Variants in KLF12 observed in about 807,000 individuals in gnomAD.
KLF12 encodes Krueppel-like factor 12.
In KLF12, 9 loss-of-function variants were observed where a neutral mutation model predicts 37.8. The observed-to-expected ratio is 0.24, with a 90% CI of 0.14 to 0.42. The LOEUF is 0.42. KLF12 is among the 10% of genes least tolerant of loss of function. The probability of loss-of-function intolerance (pLI) is 1.00; values close to 1 mark genes in which losing one functional copy is unlikely to be tolerated. For missense variants in KLF12, 411 were observed against 516.0 expected, an observed-to-expected ratio of 0.80 and a Z score of 1.97; for synonymous variants, 208 against 202.1, an observed-to-expected ratio of 1.03 and a Z score of -0.25.
At chr13:74,209,747 T>G in the KLF12 span, among the ~76,000 whole-genome samples, 12 of 152,200 alleles carry the variant, frequency 7.9e-5, no homozygotes. Flanking sequence ...GATTACATCA[T>G]ATATGTGAAG....
the KLF12 span, among the ~76,000 whole-genome samples, chr13:74,154,087 T>C: frequency 3.4e-5 from 5 of 148,926 alleles, no homozygotes; most frequent in Non-Finnish European, 7.4e-5. Flanking sequence ...AAAAAAAAAT[T>C]AGCTGGGCAT....
At chr13:74,157,521 T>C in the KLF12 span, among the ~76,000 whole-genome samples, 7 of 152,200 alleles carry the variant, frequency 4.6e-5, no homozygotes, top group African/African-American at 1.7e-4. Context: ...TCACCCACCC[T>C]AAGAGCAGCA....
chr13:73,979,400 A>ACAC (rs1891632807), intron 2 of KLF12, among the ~76,000 whole-genome samples: 1 of 107,834 alleles, frequency 9.3e-6, no homozygotes, highest in Non-Finnish European at 1.9e-5. Flanking sequence ...CACACACACA[A>ACAC]ATCATGGAAT....
chr13:73,949,520 T>C (rs1174563112), intron 2 of KLF12, among the ~76,000 whole-genome samples: 3 of 152,260 alleles, frequency 2.0e-5, no homozygotes, highest in Non-Finnish European at 4.4e-5. Context: ...ATAATTAATT[T>C]AGCCAGTAAC....
chr13:73,859,212 G>A (rs994049098), intron 3 of KLF12, among the ~76,000 whole-genome samples: 5 of 152,176 alleles, frequency 3.3e-5, no homozygotes, highest in Admixed American at 1.3e-4. Flanking sequence ...AAAGTCTGTG[G>A]GGTAGGGAGA....
chr13:74,081,680 T>C (rs1169803712), intron 1 of KLF12, among the ~76,000 whole-genome samples: 1 of 152,220 alleles, frequency 6.6e-6, no homozygotes, highest in Non-Finnish European at 1.5e-5. Flanking sequence ...TATTCTGTTT[T>C]ATTGAATTAT....
At chr13:73,951,581 A>G (rs1890649065) in intron 2 of KLF12, among the ~76,000 whole-genome samples, 1 of 152,182 alleles carries the variant, frequency 6.6e-6, no homozygotes, top group South Asian at 2.1e-4. Context: ...CTCCTGATAT[A>G]TCAAGAGACC....
intron 1 of KLF12, among the ~76,000 whole-genome samples, chr13:74,114,161 G>A (rs971941543): frequency 6.6e-6 from 1 of 152,118 alleles, no homozygotes; most frequent in African/African-American, 2.4e-5. Context: ...TGAAGATGCT[G>A]TGAACACTGA....
chr13:74,065,159 C>T (rs1300420476), intron 1 of KLF12, among the ~76,000 whole-genome samples: 1 of 151,386 alleles, frequency 6.6e-6, no homozygotes, highest in Non-Finnish European at 1.5e-5. Flanking sequence ...CTGATTCATA[C>T]ATACAATCTG....
intron 3 of KLF12, among the ~76,000 whole-genome samples, chr13:73,854,751 C>T (rs946987901): frequency 3.3e-5 from 5 of 152,208 alleles, no homozygotes; most frequent in African/African-American, 1.2e-4. Flanking sequence ...ATCTCCACAT[C>T]ACTTATAACA....
At chr13:74,171,760 C>T in the KLF12 span, among the ~76,000 whole-genome samples, 9 of 152,222 alleles carry the variant, frequency 5.9e-5, no homozygotes, top group Non-Finnish European at 8.8e-5. Context: ...AAAAGACTCC[C>T]ACAAAATACA....
chr13:73,795,228 A>G (rs939922473), intron 5 of KLF12, among the ~76,000 whole-genome samples: 4 of 152,196 alleles, frequency 2.6e-5, no homozygotes, highest in East Asian at 1.9e-4. Flanking sequence ...CATGTATTGA[A>G]TGCTCAATAA....
At chr13:74,117,188 G>T (rs1461657856) in intron 1 of KLF12, among the ~76,000 whole-genome samples, 1 of 152,106 alleles carries the variant, frequency 6.6e-6, no homozygotes, top group African/African-American at 2.4e-5. Context: ...CCAGTCCATG[G>T]TTTCTAGATA....
chr13:74,165,369 T>C, the KLF12 span, among the ~76,000 whole-genome samples: 8 of 149,518 alleles, frequency 5.4e-5, no homozygotes, highest in Non-Finnish European at 8.9e-5. Context: ...AGCGCAATCT[T>C]GACTCACTGC....
At chr13:73,900,328 C>T (rs1358471789) in intron 3 of KLF12, among the ~76,000 whole-genome samples, 1 of 152,142 alleles carries the variant, frequency 6.6e-6, no homozygotes. Context: ...TTTCATAATA[C>T]TCAATATACA....
At chr13:74,076,176 A>AT (rs1874549586) in intron 1 of KLF12, among the ~76,000 whole-genome samples, 2 of 152,208 alleles carry the variant, frequency 1.3e-5, no homozygotes. Context: ...AAGCTATTAT[A>AT]TTTTTTAAAA....
intron 6 of KLF12, among the ~76,000 whole-genome samples, chr13:73,721,186 A>G (rs948006879): frequency 1.3e-5 from 2 of 152,232 alleles, no homozygotes; most frequent in Admixed American, 6.5e-5. Context: ...AGGCACAGAG[A>G]GGTTAAGGCC....
intron 6 of KLF12, among the ~76,000 whole-genome samples, chr13:73,750,172 C>T (rs1229278734): frequency 6.6e-6 from 1 of 152,212 alleles, no homozygotes; most frequent in East Asian, 1.9e-4. Context: ...ATATGTCTTG[C>T]TATCCTCTGA....
chr13:73,830,921 G>T (rs767720952), intron 4 of KLF12, among the ~76,000 whole-genome samples: 6 of 150,648 alleles, frequency 4.0e-5, no homozygotes, highest in Non-Finnish European at 5.9e-5. Context: ...GGATGCTAAA[G>T]AAATGAAAAT....
Sources: allele counts gnomAD v4.1 joint callset (sites outside exome capture counted in the v4.1 genomes callset), GRCh38; gene constraint gnomAD v4.1.1; transcripts MANE v1.5; gene names NCBI Gene and HGNC (gene_info 2026-07-23, HGNC 2026-07-21).